The following ATR variants were observed in gnomAD, a reference collection of about 807,000 sequenced individuals.
The protein encoded by ATR is serine/threonine-protein kinase ATR.
ATR carries 142 observed loss-of-function variants against 305.3 expected under a neutral mutation model. The ratio of observed to expected loss-of-function variants is 0.47; its 90% confidence interval spans 0.41 to 0.53. The LOEUF (loss-of-function observed/expected upper bound fraction) is 0.53. ATR is among the 20% of genes least tolerant of loss of function. The pLI, the probability that ATR is intolerant of heterozygous loss-of-function variation, is 0.00. For synonymous variants in ATR, 1,050 were observed against 1,068.1 expected (o/e 0.98, Z 0.33); for missense variants, 2,135 against 3,133.1 (o/e 0.68, Z 7.60).
At chr3:142,450,168 A>C in intron 46 of ATR, 1 of 432,586 alleles carries the variant, frequency 2.3e-6, no homozygotes, top group African/African-American at 2.0e-5. Flanking sequence ...TTGCTGTGCC[A>C]TCTGCCATCG....
chr3:142,521,593 A>G (rs934866865), intron 23 of ATR, among the ~76,000 whole-genome samples: 3 of 152,214 alleles, frequency 2.0e-5, no homozygotes, highest in African/African-American at 4.8e-5. Context: ...ATATCTATCA[A>G]CATTAACAGG....
intron 30 of ATR, among the ~76,000 whole-genome samples, chr3:142,501,271 C>T (rs1225298803): frequency 1.7e-5 from 2 of 120,984 alleles, no homozygotes; most frequent in African/African-American, 7.4e-5. Flanking sequence ...AAATTTGACA[C>T]CCCAATTTGA....
chr3:142,563,831 G>C (rs546746381), intron 3 of ATR, among the ~76,000 whole-genome samples: 12 of 152,262 alleles, frequency 7.9e-5, no homozygotes, highest in African/African-American at 2.9e-4. Context: ...AAAAGTTTTT[G>C]GAGGAAATTA....
chr3:142,559,578 C>G, intron 6 of ATR, 137 bp from the exon 7 acceptor site: 1 of 821,184 alleles, frequency 1.2e-6, no homozygotes, highest in Non-Finnish European at 2.0e-6. Context: ...ACATGCAAAT[C>G]AAGTAATATG....
At chr3:142,571,393 G>C (rs2035252669) in intron 1 of ATR, among the ~76,000 whole-genome samples, 1 of 152,056 alleles carries the variant, frequency 6.6e-6, no homozygotes, top group Non-Finnish European at 1.5e-5. Context: ...TTGAATCTGG[G>C]AGGCGGAGAT....
intron 40 of ATR, chr3:142,465,950 G>A (rs1042272101): frequency 4.2e-6 from 1 of 237,676 alleles, no homozygotes; most frequent in African/African-American, 2.4e-5. Flanking sequence ...AGGTTGCAGT[G>A]AGCTGAGATC....
At chr3:142,547,069 C>T (rs1275826319) in intron 16 of ATR, among the ~76,000 whole-genome samples, 1 of 152,114 alleles carries the variant, frequency 6.6e-6, no homozygotes, top group Non-Finnish European at 1.5e-5. Context: ...ATTTTGCCAA[C>T]AGTCCTTTAA....
At chr3:142,491,941 T>A (rs1358337990) in intron 35 of ATR, among the ~76,000 whole-genome samples, 3 of 152,228 alleles carry the variant, frequency 2.0e-5, no homozygotes, top group Admixed American at 6.5e-5. Context: ...TTCTACTGAT[T>A]TATTTTTTTT....
At chr3:142,480,463 G>A (rs1276804919) in intron 36 of ATR, among the ~76,000 whole-genome samples, 4 of 152,180 alleles carry the variant, frequency 2.6e-5, no homozygotes, top group African/African-American at 9.7e-5. Flanking sequence ...GTCTCAAAGG[G>A]GTACCCGGCC....
intron 1 of ATR, among the ~76,000 whole-genome samples, chr3:142,572,545 G>T (rs1217734782): frequency 6.6e-6 from 1 of 151,874 alleles, no homozygotes; most frequent in East Asian, 1.9e-4. Context: ...GTCCAAGGTG[G>T]GCAGACTGCT....
intron 1 of ATR, among the ~76,000 whole-genome samples, chr3:142,573,211 T>C (rs539879166): frequency 2.2e-4 from 33 of 152,168 alleles, no homozygotes; most frequent in Middle Eastern, 3.4e-3. Context: ...TTTGGGAGGC[T>C]GAGACGGACT....
At chr3:142,474,072 G>A (rs2071371715) in intron 36 of ATR, among the ~76,000 whole-genome samples, 1 of 150,784 alleles carries the variant, frequency 6.6e-6, no homozygotes, top group Non-Finnish European at 1.5e-5. Context: ...GATTACAGAT[G>A]TGTGCCACCA....
chr3:142,499,425 G>A (rs990723002), intron 31 of ATR, among the ~76,000 whole-genome samples: 4 of 151,860 alleles, frequency 2.6e-5, no homozygotes, highest in Non-Finnish European at 5.9e-5. Context: ...CTCCCGAGTA[G>A]TTGGGACTAC....
intron 28 of ATR, among the ~76,000 whole-genome samples, chr3:142,507,704 G>A (rs1218780806): frequency 2.0e-5 from 3 of 151,984 alleles, no homozygotes; most frequent in Admixed American, 6.6e-5. Context: ...TGGCTCATCC[G>A]CTTCCATCTC....
intron 36 of ATR, among the ~76,000 whole-genome samples, chr3:142,478,456 A>C (rs1442853712): frequency 1.3e-5 from 2 of 152,118 alleles, no homozygotes; most frequent in African/African-American, 4.8e-5. Flanking sequence ...TCTGAGAGAC[A>C]GTTTGTTATA....
At chr3:142,522,344 T>C (rs2033182482) in intron 23 of ATR, among the ~76,000 whole-genome samples, 1 of 152,216 alleles carries the variant, frequency 6.6e-6, no homozygotes. Context: ...ACTTGCTTTA[T>C]TGTGGTGGTC....
At chr3:142,494,443 G>A (rs1194562777) in intron 34 of ATR, among the ~76,000 whole-genome samples, 2 of 152,188 alleles carry the variant, frequency 1.3e-5, no homozygotes, top group Non-Finnish European at 2.9e-5. Flanking sequence ...TACAACAGAG[G>A]AATATACATC....
In ATR at chr3:142,563,087, C is replaced by A; in HGVS notation, c.315G>T (p.Thr105=). 6.2e-7 allele frequency: 1 copy of A among 1,602,544 alleles called. No individual in the cohort carries two copies. Among genetic ancestry groups the A allele is most frequent in the South Asian group, 1.1e-5 (1 of 87,982 alleles). ...SCIEFSNWII[T]RLLRIAATPS... ...GAGTTGCTGCAATCCGCAGAAGTCT[C>A]GTTATGATCCAATTACTGAATTCTT... Residue 105 remains threonine (T), a synonymous_variant, in exon 4 of 47, where the codon ACG becomes ACT. Coordinates refer to ENST00000350721, the MANE Select transcript of ATR (RefSeq NM_001184.4).
chr3:142,470,009 G>T, intron 37 of ATR, 77 bp downstream of exon 37: 1 of 1,146,418 alleles, frequency 8.7e-7, no homozygotes, highest in South Asian at 1.3e-5. Flanking sequence ...TAGGAAATTA[G>T]ACTGTCCAGC....
Sources: gnomAD v4.1 joint callset for allele counts (sites outside exome capture counted in the v4.1 genomes callset) on GRCh38, gnomAD v4.1.1 for gene constraint, MANE v1.5 for transcripts, NCBI Gene and HGNC (gene_info 2026-07-23, HGNC 2026-07-21) for gene names.